The following SORCS3 variants were observed in gnomAD, a reference collection of about 807,000 sequenced individuals.
SORCS3 encodes the protein sortilin related VPS10 domain containing receptor 3.
Under a neutral mutation model 146.3 loss-of-function variants are expected in SORCS3, and 57 were observed. The observed-to-expected ratio is 0.39, with a 90% confidence interval of 0.31 to 0.49. The LOEUF is 0.49. SORCS3 is among the 20% of genes least tolerant of loss of function. SORCS3 has a pLI of 0.92. For synonymous variants in SORCS3, 653 were observed against 618.5 expected (o/e 1.06, Z -0.83); for missense variants, 1,341 against 1,575.5 (o/e 0.85, Z 2.52).
At position 105,262,435 on chromosome 10, in the gene SORCS3, G is replaced by A; in HGVS notation, c.3548G>A (p.Ser1183Asn). Residue 1183 changes from serine (S) to asparagine (N), a missense_variant, in exon 26 of 27, where the codon AGT (serine) becomes AAT (asparagine). By Grantham distance (46) the Ser-to-Asn change is conservative. Coordinates refer to ENST00000369701, the MANE Select transcript of SORCS3 (RefSeq NM_014978.3). ...QSENAPKITLSDFTEPEELLD... is the reference protein window; with the variant it reads ...QSENAPKITLNDFTEPEELLD... ...GAAAACGCCCCCAAAATCACACTCA[G>A]TGACTTTACGGAGCCTGAGGAGCTG... 6 of 1,614,078 alleles carry A rather than the reference G, an allele frequency of 3.7e-6. No individual in the cohort carries two copies. The highest frequency in any genetic ancestry group is 5.1e-6 in the Non-Finnish European group (6 of 1,179,956).
At chr10:104,928,760 T>A (rs2019176536) in intron 3 of SORCS3, among the ~76,000 whole-genome samples, 1 of 152,104 alleles carries the variant, frequency 6.6e-6, no homozygotes, top group Non-Finnish European at 1.5e-5. Context: ...TCCCCACATG[T>A]TGGGGTCTGA....
intron 1 of SORCS3, among the ~76,000 whole-genome samples, chr10:104,821,714 G>A (rs1460886597): frequency 6.6e-6 from 1 of 152,088 alleles, no homozygotes; most frequent in African/African-American, 2.4e-5. Context: ...TTCTATTCTG[G>A]GGTACGAGGA....
chr10:104,851,249 T>C (rs2018271309), intron 2 of SORCS3, among the ~76,000 whole-genome samples: 1 of 152,214 alleles, frequency 6.6e-6, no homozygotes, highest in South Asian at 2.1e-4. Context: ...TCTTTTTTCT[T>C]CCACTAGGCA....
chr10:104,773,106 G>C (rs538589082), intron 1 of SORCS3, among the ~76,000 whole-genome samples: 45 of 152,304 alleles, frequency 3.0e-4, no homozygotes, highest in African/African-American at 1.0e-3. Flanking sequence ...AGCATTGAAG[G>C]AGTGGGTATC....
At chr10:105,072,177 C>T (rs556063840) in intron 5 of SORCS3, among the ~76,000 whole-genome samples, 8 of 152,182 alleles carry the variant, frequency 5.3e-5, no homozygotes, top group Admixed American at 5.2e-4. Flanking sequence ...AGGTGGTGAG[C>T]TCTCGGACTT....
At chr10:104,881,548 T>G (rs1483411879) in intron 2 of SORCS3, among the ~76,000 whole-genome samples, 1 of 152,326 alleles carries the variant, frequency 6.6e-6, no homozygotes, top group Non-Finnish European at 1.5e-5. Flanking sequence ...CCTTTTTCCT[T>G]GATTAAAGAG....
At chr10:104,941,817 A>T (rs7898287) in intron 3 of SORCS3, among the ~76,000 whole-genome samples, 41,616 of 114,186 alleles carry the variant, frequency 0.36, 7,206 homozygotes, top group African/African-American at 0.64. Flanking sequence ...AAAGCAAAGT[A>T]AAAAAAAAAG....
chr10:105,122,235 G>A (rs2055938712), intron 7 of SORCS3, among the ~76,000 whole-genome samples: 1 of 152,158 alleles, frequency 6.6e-6, no homozygotes, highest in African/African-American at 2.4e-5. Context: ...TATGATTTCA[G>A]AGTTTCAGCT....
intron 1 of SORCS3, among the ~76,000 whole-genome samples, chr10:104,787,208 T>C (rs1425169993): frequency 6.6e-6 from 1 of 152,126 alleles, no homozygotes; most frequent in Non-Finnish European, 1.5e-5. Context: ...GTGAGGCAGC[T>C]GGGGGTGGGA....
intron 8 of SORCS3, among the ~76,000 whole-genome samples, chr10:105,140,963 T>C (rs997268224): frequency 2.0e-5 from 3 of 152,192 alleles, no homozygotes; most frequent in South Asian, 2.1e-4. Flanking sequence ...TTCACAGTTA[T>C]GCTCTTTCTA....
At chr10:104,992,655 C>T (rs546266198) in intron 4 of SORCS3, among the ~76,000 whole-genome samples, 127 of 152,310 alleles carry the variant, frequency 8.3e-4, no homozygotes, top group African/African-American at 3.0e-3. Context: ...TTCACTCATG[C>T]AACAGGAAAT....
chr10:104,663,283 C>T (rs1365027523), intron 1 of SORCS3, among the ~76,000 whole-genome samples: 3 of 152,164 alleles, frequency 2.0e-5, no homozygotes, highest in Admixed American at 2.0e-4. Flanking sequence ...TGTCTATCGC[C>T]TTTCATGGGC....
chr10:104,661,971 G>T (rs1021530337), intron 1 of SORCS3, among the ~76,000 whole-genome samples: 1 of 152,088 alleles, frequency 6.6e-6, no homozygotes, highest in Non-Finnish European at 1.5e-5. Context: ...GCCAGTTTTG[G>T]GTGCTTTATT....
chr10:104,867,243 T>C (rs1485674008), intron 2 of SORCS3, among the ~76,000 whole-genome samples: 3 of 150,374 alleles, frequency 2.0e-5, no homozygotes. Context: ...TTTAAAGTGG[T>C]CAGGGGAGAA....
At position 104,915,911 on chromosome 10, in the gene SORCS3, C is replaced by T; in HGVS notation, c.774C>T (p.Val258=). 1 of 1,613,908 alleles carries T rather than the reference C, an allele frequency of 6.2e-7. No homozygotes were observed. The highest frequency in any genetic ancestry group is 8.5e-7 in the Non-Finnish European group (1 of 1,179,878). Residue 258 remains valine, a synonymous_variant, in exon 3 of 27, where the codon GTC becomes GTT. Transcript: ENST00000369701. ...AGACTGTCCTCAGTTACCTCTATGT[C>T]AATCCAACCAACAAAAGGAAGGTAA... The part of the protein sequence containing the change: ...GLKTVLSYLY[V]NPTNKRKIML...
intron 4 of SORCS3, among the ~76,000 whole-genome samples, chr10:104,992,302 A>G (rs2054999118): frequency 6.6e-6 from 1 of 152,208 alleles, no homozygotes; most frequent in Non-Finnish European, 1.5e-5. Flanking sequence ...TGCCCAGACC[A>G]TGAGGACCCC....
At chr10:104,788,330 G>A (rs2017460922) in intron 1 of SORCS3, among the ~76,000 whole-genome samples, 1 of 152,140 alleles carries the variant, frequency 6.6e-6, no homozygotes, top group African/African-American at 2.4e-5. Flanking sequence ...TTTATAGAAT[G>A]GAATACTATG....
At chr10:105,009,527 C>CA (rs35368294) in intron 4 of SORCS3, among the ~76,000 whole-genome samples, 15 of 105,206 alleles carry the variant, frequency 1.4e-4, no homozygotes, top group East Asian at 1.4e-3. Context: ...AACAAACAAA[C>CA]AAAAAAAAAA....
At chr10:104,771,826 G>A (rs2017252917) in intron 1 of SORCS3, among the ~76,000 whole-genome samples, 1 of 151,600 alleles carries the variant, frequency 6.6e-6, no homozygotes, top group African/African-American at 2.4e-5. Context: ...TGAGAAGGAC[G>A]ATGGGGGAGG....
Sources: allele counts gnomAD v4.1 joint callset (sites outside exome capture counted in the v4.1 genomes callset), GRCh38; gene constraint gnomAD v4.1.1; transcripts MANE v1.5; gene names NCBI Gene and HGNC (gene_info 2026-07-23, HGNC 2026-07-21).